The following MLIP variants were observed in gnomAD, a reference collection of about 807,000 sequenced individuals.
MLIP encodes the protein muscular LMNA interacting protein.
A neutral mutation model predicts 84.8 loss-of-function variants in MLIP; 79 were observed. The observed-to-expected ratio is 0.93, with a 90% confidence interval of 0.78 to 1.12. The LOEUF is 1.12. Ranked by LOEUF, MLIP falls within the 50% of genes most tolerant of loss-of-function variation. The pLI is 0.00. For missense variants in MLIP, 1,257 were observed against 1,160.6 expected (o/e 1.08, Z -1.21); for synonymous variants, 504 against 463.0 (o/e 1.09, Z -1.14).
chr6:54,071,978 A>G (rs1006327346), intron 1 of MLIP, among the ~76,000 whole-genome samples: 2 of 152,212 alleles, frequency 1.3e-5, no homozygotes, highest in Non-Finnish European at 2.9e-5. Flanking sequence ...TAACAGCTTG[A>G]ACATTATAAA....
intron 1 of MLIP, among the ~76,000 whole-genome samples, chr6:54,093,024 GCAC>G (rs767720286): frequency 3.9e-5 from 6 of 152,172 alleles, no homozygotes; most frequent in Non-Finnish European, 7.4e-5. Flanking sequence ...TTACAGGCAT[GCAC>G]CACCATGCCC....
intron 11 of MLIP, among the ~76,000 whole-genome samples, chr6:54,214,466 G>C (rs1428561284): frequency 6.6e-6 from 1 of 152,116 alleles, no homozygotes; most frequent in Non-Finnish European, 1.5e-5. Flanking sequence ...GTGGTCATGG[G>C]GACCTTGCCT....
chr6:54,072,345 T>C (rs529320155), intron 1 of MLIP, among the ~76,000 whole-genome samples: 1 of 152,330 alleles, frequency 6.6e-6, no homozygotes, highest in Admixed American at 6.5e-5. Context: ...TTTGAGGATC[T>C]CCTTCCATCT....
At chr6:54,037,524 AATAG>A (rs1764513203) in intron 1 of MLIP, among the ~76,000 whole-genome samples, 1 of 151,972 alleles carries the variant, frequency 6.6e-6, no homozygotes, top group Non-Finnish European at 1.5e-5. Flanking sequence ...AAAGAGGCTT[AATAG>A]ATGTCTCCAA....
chr6:54,186,034 G>A (rs1777355425), intron 9 of MLIP, among the ~76,000 whole-genome samples: 1 of 152,164 alleles, frequency 6.6e-6, no homozygotes, highest in South Asian at 2.1e-4. Flanking sequence ...TACCTGTAAA[G>A]AATGACATGA....
Position 54,079,703 on chromosome 6 carries a change from C to A in MLIP, c.64-41744C>A, listed in dbSNP as rs147637832. 12 of 152,276 alleles carry A rather than the reference C, an allele frequency of 7.9e-5. No individual in the cohort carries two copies. In the East Asian group the frequency reaches 2.3e-3, roughly 29 times the overall value. 9.4% of individuals were successfully genotyped at this position (152,276 alleles called of 1,614,324 possible). A position where few individuals can be genotyped will look rare whatever the true frequency, so the allele number is the denominator to read the frequency against. On this transcript the variant is annotated intron_variant, in intron 1 of 12. Coordinates refer to the MLIP transcript ENST00000274897. ...AATGAGCTTGATTCCTTTCCCCCCA[C>A]CATATTGTGGGAGTCCATGGCTCCT...
intron 12 of MLIP, among the ~76,000 whole-genome samples, chr6:54,253,152 T>G (rs538358672): frequency 2.0e-5 from 3 of 152,258 alleles, no homozygotes; most frequent in African/African-American, 7.2e-5. Flanking sequence ...TGGCATCTAG[T>G]CTTGTAATGA....
chr6:54,019,437 A>G (rs990528042), intron 1 of MLIP, among the ~76,000 whole-genome samples: 2 of 152,114 alleles, frequency 1.3e-5, no homozygotes, highest in African/African-American at 4.8e-5. Context: ...GTTCAAATCC[A>G]TTTTTTCTCA....
intron 1 of MLIP, among the ~76,000 whole-genome samples, chr6:54,088,554 C>A (rs1767648625): frequency 6.6e-6 from 1 of 152,180 alleles, no homozygotes. Context: ...GCACATCTGT[C>A]TCTCAGGTGT....
At chr6:54,213,349 A>T (rs372740423) in intron 11 of MLIP, among the ~76,000 whole-genome samples, 23 of 152,340 alleles carry the variant, frequency 1.5e-4, no homozygotes, top group African/African-American at 5.5e-4. Context: ...TAAATGCTTC[A>T]TTTAATGTGT....
chr6:54,030,218 A>G (rs935645385), intron 1 of MLIP, among the ~76,000 whole-genome samples: 1 of 152,222 alleles, frequency 6.6e-6, no homozygotes, highest in African/African-American at 2.4e-5. Context: ...TTCAAAAACA[A>G]GAATGTTTAA....
chr6:54,261,680 C>A (rs1783403123), intron 13 of MLIP: 1 of 985,074 alleles, frequency 1.0e-6, no homozygotes, highest in Non-Finnish European at 1.2e-6. Context: ...AGCAGCCATC[C>A]CATTCCTCTG....
chr6:54,100,973 C>T (rs545710648), intron 1 of MLIP, among the ~76,000 whole-genome samples: 6 of 152,142 alleles, frequency 3.9e-5, no homozygotes, highest in Non-Finnish European at 7.4e-5. Context: ...CAAATCTTCA[C>T]CCACTTAATT....
chr6:54,086,135 G>A (rs1264888010), intron 1 of MLIP, among the ~76,000 whole-genome samples: 1 of 152,150 alleles, frequency 6.6e-6, no homozygotes, highest in Admixed American at 6.6e-5. Context: ...CTCTGCATGT[G>A]TGTTCATTGG....
chr6:54,189,014 G>A (rs544602440), intron 9 of MLIP, among the ~76,000 whole-genome samples: 3 of 152,256 alleles, frequency 2.0e-5, no homozygotes, highest in East Asian at 3.9e-4. Flanking sequence ...ACTCAAGAAT[G>A]AGAACATGAT....
At chr6:54,141,311 C>CTTTTTTTTT in intron 4 of MLIP, among the ~76,000 whole-genome samples, 1 of 84,988 alleles carries the variant, frequency 1.2e-5, no homozygotes, top group Non-Finnish European at 2.2e-5. Flanking sequence ...GCTCAGCCTG[C>CTTTTTTTTT]CTTTTTTTTT....
intron 11 of MLIP, among the ~76,000 whole-genome samples, chr6:54,210,467 A>G (rs1264802228): frequency 6.6e-6 from 1 of 152,372 alleles, no homozygotes; most frequent in South Asian, 2.1e-4. Flanking sequence ...AAAGACTCAA[A>G]TAAATGTTAG....
At chr6:54,147,102 C>A (rs567751273) in intron 4 of MLIP, among the ~76,000 whole-genome samples, 8 of 152,244 alleles carry the variant, frequency 5.3e-5, no homozygotes, top group Admixed American at 2.0e-4. Context: ...ATGATTGCAA[C>A]TATAACTACA....
intron 1 of MLIP, among the ~76,000 whole-genome samples, chr6:54,074,290 G>C (rs1766659879): frequency 6.6e-6 from 1 of 152,172 alleles, no homozygotes. Flanking sequence ...TGTGTGAATT[G>C]AATTGGAATG....
Sources: allele counts gnomAD v4.1 joint callset (sites outside exome capture counted in the v4.1 genomes callset), GRCh38; gene constraint gnomAD v4.1.1; transcripts MANE v1.5; gene names NCBI Gene and HGNC (gene_info 2026-07-23, HGNC 2026-07-21).